ARMH3: variants seen among roughly 807,000 people sequenced by gnomAD.
ARMH3 encodes armadillo like helical domain containing 3.
A neutral mutation model predicts 99.1 loss-of-function variants in ARMH3; 60 were observed. That is an observed-to-expected ratio of 0.61 (90% confidence interval 0.49 to 0.75). The LOEUF (loss-of-function observed/expected upper bound fraction) is 0.75, where lower values mean the gene tolerates loss of function less well. ARMH3 is among the 30% of genes least tolerant of loss of function. ARMH3 has a pLI of 0.00. For synonymous variants in ARMH3, 285 were observed against 292.8 expected (o/e 0.97, Z 0.27); for missense variants, 679 against 843.1 (o/e 0.81, Z 2.41).
intron 24 of ARMH3, among the ~76,000 whole-genome samples, chr10:101,872,918 A>C (rs192445794): frequency 6.6e-6 from 1 of 151,992 alleles, no homozygotes; most frequent in African/African-American, 2.4e-5. Flanking sequence ...AGATCACGCC[A>C]CTGCACGCCA....
In ARMH3 at chr10:101,935,174, A is replaced by AATAT. The variant is rs5787448; in HGVS notation, c.1781+4685_1781+4688dup. On this transcript the variant is annotated intron_variant, in intron 23 of 25. Coordinates refer to ENST00000370033, the MANE Select transcript of ARMH3 (RefSeq NM_024541.3). ...AGAAGCGGAATCTCAAAGGTGGAGC[A>AATAT]ATATATATATATATATATATATATA... 7.6e-3 allele frequency among the ~76,000 whole-genome samples: 892 copies of AATAT among 117,138 alleles called. 24 individuals are homozygous for AATAT. The highest frequency in any genetic ancestry group is 0.013 in the African/African-American group (418 of 31,426). 76.8% of individuals were successfully genotyped at this position (117,138 alleles called of 152,430 possible).
intron 23 of ARMH3, among the ~76,000 whole-genome samples, chr10:101,890,406 G>C (rs1175030806): frequency 6.6e-6 from 1 of 151,968 alleles, no homozygotes; most frequent in Non-Finnish European, 1.5e-5. Context: ...AGCATGCCCG[G>C]CTAATTATTT....
chr10:102,021,083 GTGTT>G (rs1031724065), intron 8 of ARMH3, among the ~76,000 whole-genome samples: 3 of 151,920 alleles, frequency 2.0e-5, no homozygotes, highest in Non-Finnish European at 2.9e-5. Context: ...TTTTGTGTGT[GTGTT>G]TGTTTTTGAG....
chr10:101,981,507 T>A (rs1036696767), intron 19 of ARMH3, among the ~76,000 whole-genome samples: 2 of 152,190 alleles, frequency 1.3e-5, no homozygotes, highest in Non-Finnish European at 1.5e-5. Context: ...AGGATACAAG[T>A]GAATTGAACT....
chr10:101,926,312 A>G (rs2135635241), intron 23 of ARMH3, among the ~76,000 whole-genome samples: 1 of 152,252 alleles, frequency 6.6e-6, no homozygotes, highest in Middle Eastern at 3.4e-3. Flanking sequence ...CTCAGCCTCC[A>G]GAACAGCTGA....
chr10:101,943,036 G>A (rs1456353221), intron 22 of ARMH3, among the ~76,000 whole-genome samples: 1 of 152,154 alleles, frequency 6.6e-6, no homozygotes, highest in Non-Finnish European at 1.5e-5. Flanking sequence ...CAAAGAAGGT[G>A]AACCCTACAA....
Position 102,033,327 on chromosome 10 carries a change from T to C in ARMH3, c.115A>G (p.Ser39Gly), listed in dbSNP as rs2067177493. The C allele has an allele frequency of 6.2e-7, 1 of 1,613,972 alleles. No individual in the cohort carries two copies. Among genetic ancestry groups the C allele is most frequent in the Admixed American group, 1.7e-5 (1 of 59,948 alleles). Reference sequence around the variant, plus strand: ...TCCCAAAACCGAGGACTGCACTTACTGGGGTCCTCTGTCTGAAACCAGAAT... The same window carrying C: ...TCCCAAAACCGAGGACTGCACTTACCGGGGTCCTCTGTCTGAAACCAGAAT... ...YDEIFMTEDPSKCSPRFWEEL... is the reference protein window; with the variant it reads ...YDEIFMTEDPGKCSPRFWEEL... Residue 39 changes from serine (S) to glycine (G), a missense_variant, in exon 3 of 26, where the codon AGT (serine) becomes GGT (glycine). This residue lies in a region of ARMH3 where 280 missense variants were observed against 354.6 expected (regional missense o/e 0.79). Transcript: ENST00000370033.
At chr10:101,974,013 T>C (rs1845884805) in intron 20 of ARMH3, among the ~76,000 whole-genome samples, 1 of 152,242 alleles carries the variant, frequency 6.6e-6, no homozygotes, top group African/African-American at 2.4e-5. Context: ...TAAGAAATTC[T>C]ACTGTTGGTC....
At chr10:101,869,536 C>T (rs2067085531) in intron 24 of ARMH3, among the ~76,000 whole-genome samples, 1 of 152,004 alleles carries the variant, frequency 6.6e-6, no homozygotes, top group South Asian at 2.1e-4. Context: ...ATATTTTAAA[C>T]TGAATGAAAA....
chr10:102,036,944 T>G (rs2067292180), intron 2 of ARMH3, among the ~76,000 whole-genome samples: 1 of 150,554 alleles, frequency 6.6e-6, no homozygotes, highest in Non-Finnish European at 1.5e-5. Context: ...CCCAGCTACT[T>G]GGGAGGCTGA....
At chr10:101,937,508 G>A (rs1422095888) in intron 23 of ARMH3, among the ~76,000 whole-genome samples, 3 of 146,904 alleles carry the variant, frequency 2.0e-5, no homozygotes, top group African/African-American at 7.6e-5. Flanking sequence ...GACAGAGTCA[G>A]ACCCTGTCTC....
chr10:101,987,079 C>G (rs758089362), intron 19 of ARMH3, among the ~76,000 whole-genome samples: 5 of 152,148 alleles, frequency 3.3e-5, no homozygotes, highest in Admixed American at 6.5e-5. Context: ...TTTGGGTAAA[C>G]AGATAATATA....
chr10:101,937,624 G>A (rs903646026), intron 23 of ARMH3, among the ~76,000 whole-genome samples: 43 of 151,814 alleles, frequency 2.8e-4, no homozygotes, highest in African/African-American at 1.0e-3. Flanking sequence ...TTAAGACTCA[G>A]TTTCCTCACT....
At chr10:101,856,255 A>G (rs576161609) in intron 24 of ARMH3, among the ~76,000 whole-genome samples, 1 of 152,342 alleles carries the variant, frequency 6.6e-6, no homozygotes, top group African/African-American at 2.4e-5. Context: ...GGTGTAAACC[A>G]ACAAAATTTT....
intron 23 of ARMH3, among the ~76,000 whole-genome samples, chr10:101,921,234 A>C (rs555318712): frequency 5.3e-5 from 8 of 152,330 alleles, no homozygotes; most frequent in Admixed American, 5.2e-4. Flanking sequence ...GAGTGAAAGA[A>C]GTCAGACACA....
At chr10:102,016,322 T>C (rs755295885) in intron 8 of ARMH3, among the ~76,000 whole-genome samples, 6 of 152,204 alleles carry the variant, frequency 3.9e-5, no homozygotes, top group African/African-American at 9.6e-5. Context: ...TGGGGGCATT[T>C]TGAATTTCAG....
chr10:101,898,841 C>G (rs2067906649), intron 23 of ARMH3, among the ~76,000 whole-genome samples: 1 of 152,178 alleles, frequency 6.6e-6, no homozygotes, highest in South Asian at 2.1e-4. Flanking sequence ...AAGCTCCAAC[C>G]TCATTAAGAG....
chr10:101,947,099 A>G (rs1020778555), intron 22 of ARMH3, among the ~76,000 whole-genome samples: 1 of 151,928 alleles, frequency 6.6e-6, no homozygotes, highest in Non-Finnish European at 1.5e-5. Context: ...GAGGCAGAGA[A>G]TAGCTTGAAC....
chr10:101,926,614 G>A (rs1843517333), intron 23 of ARMH3, among the ~76,000 whole-genome samples: 1 of 152,142 alleles, frequency 6.6e-6, no homozygotes, highest in African/African-American at 2.4e-5. Context: ...CCTAGATATA[G>A]AATGGAAAAG....
Sources: gnomAD v4.1 joint callset for allele counts (sites outside exome capture counted in the v4.1 genomes callset) on GRCh38, gnomAD v4.1.1 for gene constraint, gnomAD v4.1.1 regional missense constraint, MANE v1.5 for transcripts, NCBI Gene and HGNC (gene_info 2026-07-23, HGNC 2026-07-21) for gene names.